The following COX7B2 variants were observed in gnomAD, a reference collection of about 807,000 sequenced individuals.
COX7B2 encodes cytochrome c oxidase subunit 7B2.
For synonymous variants in COX7B2, 37 were observed against 32.1 expected (o/e 1.15, Z -0.51); for missense variants, 109 against 95.9 (o/e 1.14, Z -0.57).
intron 1 of COX7B2, among the ~76,000 whole-genome samples, chr4:46,888,376 T>C (rs1719208515): frequency 6.6e-6 from 1 of 152,198 alleles, no homozygotes; most frequent in Non-Finnish European, 1.5e-5. Flanking sequence ...ATTTGTTTTA[T>C]AATCACAAAA....
At chr4:46,863,136 G>A (rs1288020887) in intron 1 of COX7B2, among the ~76,000 whole-genome samples, 5 of 152,022 alleles carry the variant, frequency 3.3e-5, no homozygotes, top group Non-Finnish European at 7.4e-5. Context: ...GCTATGTAAA[G>A]GTTAATTCAA....
chr4:46,854,767 T>G (rs1344531697), intron 1 of COX7B2, among the ~76,000 whole-genome samples: 1 of 152,174 alleles, frequency 6.6e-6, no homozygotes, highest in Non-Finnish European at 1.5e-5. Context: ...AAGTAATATA[T>G]TCTTAAAATG....
chr4:46,801,732 G>A (rs1285989434), intron 2 of COX7B2, among the ~76,000 whole-genome samples: 2 of 152,034 alleles, frequency 1.3e-5, no homozygotes, highest in African/African-American at 2.4e-5. Context: ...AAGTTGGAAG[G>A]GGAAATAAAT....
At chr4:46,844,677 C>T (rs950230764) in intron 2 of COX7B2, among the ~76,000 whole-genome samples, 1 of 151,838 alleles carries the variant, frequency 6.6e-6, no homozygotes, top group Non-Finnish European at 1.5e-5. Context: ...TCCAACTGTT[C>T]GTGTAGTTAA....
chr4:46,894,700 C>T (rs1176509633), intron 1 of COX7B2, among the ~76,000 whole-genome samples: 1 of 152,298 alleles, frequency 6.6e-6, no homozygotes, highest in Non-Finnish European at 1.5e-5. Context: ...AGTACACAGA[C>T]AACCTACAGA....
At chr4:46,835,103 G>T (rs111656378) in intron 2 of COX7B2, among the ~76,000 whole-genome samples, 2,884 of 152,090 alleles carry the variant, frequency 0.019, 45 homozygotes, top group Middle Eastern at 0.071. Flanking sequence ...CAAAAACCTG[G>T]TAATACTTAT....
intron 2 of COX7B2, among the ~76,000 whole-genome samples, chr4:46,769,701 T>C (rs1034722532): frequency 1.3e-5 from 2 of 151,960 alleles, no homozygotes; most frequent in African/African-American, 4.8e-5. Context: ...GGTGACAGAG[T>C]GAGACTCTGT....
intron 2 of COX7B2, among the ~76,000 whole-genome samples, chr4:46,807,960 G>A (rs1226991450): frequency 6.6e-6 from 1 of 151,752 alleles, no homozygotes; most frequent in Admixed American, 6.6e-5. Context: ...GAAATATGAT[G>A]CTACCAACTT....
intron 1 of COX7B2, among the ~76,000 whole-genome samples, chr4:46,894,235 A>T (rs1719614671): frequency 6.6e-6 from 1 of 152,132 alleles, no homozygotes; most frequent in Non-Finnish European, 1.5e-5. Context: ...AACAAAGCTG[A>T]AAATATTCAT....
intron 2 of COX7B2, among the ~76,000 whole-genome samples, chr4:46,738,746 T>C (rs1262005048): frequency 3.3e-5 from 5 of 152,120 alleles, no homozygotes; most frequent in Non-Finnish European, 7.4e-5. Flanking sequence ...AGGAAATGTT[T>C]CTGAAAGTAG....
chr4:46,738,986 A>T (rs1323748830), intron 2 of COX7B2, among the ~76,000 whole-genome samples: 1 of 152,088 alleles, frequency 6.6e-6, no homozygotes, highest in Non-Finnish European at 1.5e-5. Flanking sequence ...CTAATACTTG[A>T]TCTCAGTCTA....
intron 2 of COX7B2, among the ~76,000 whole-genome samples, chr4:46,787,316 G>A (rs1345273493): frequency 1.3e-5 from 2 of 152,006 alleles, no homozygotes; most frequent in Non-Finnish European, 2.9e-5. Flanking sequence ...GCGTGGTGGT[G>A]CATACCTGTA....
At chr4:46,875,474 T>C (rs1718263957) in intron 1 of COX7B2, among the ~76,000 whole-genome samples, 1 of 152,160 alleles carries the variant, frequency 6.6e-6, no homozygotes, top group Admixed American at 6.5e-5. Flanking sequence ...CAGCTAATTT[T>C]TACTGCCTAA....
intron 2 of COX7B2, among the ~76,000 whole-genome samples, chr4:46,831,097 C>T (rs1049453246): frequency 6.6e-6 from 1 of 152,118 alleles, no homozygotes; most frequent in Non-Finnish European, 1.5e-5. Flanking sequence ...GCTAGAGTTC[C>T]GGGTGGGCAT....
At chr4:46,864,371 A>G (rs1312984061) in intron 1 of COX7B2, among the ~76,000 whole-genome samples, 1 of 152,128 alleles carries the variant, frequency 6.6e-6, no homozygotes, top group Non-Finnish European at 1.5e-5. Context: ...ACTAAAGGGA[A>G]GTTAGCTTTA....
At chr4:46,849,508 T>A (rs1358210672) in intron 1 of COX7B2, among the ~76,000 whole-genome samples, 2 of 152,110 alleles carry the variant, frequency 1.3e-5, no homozygotes, top group Non-Finnish European at 2.9e-5. Flanking sequence ...ATATGCTCAA[T>A]AAGCATTGAC....
intron 1 of COX7B2, among the ~76,000 whole-genome samples, chr4:46,878,681 T>C (rs772247413): frequency 1.3e-5 from 2 of 152,180 alleles, no homozygotes; most frequent in Non-Finnish European, 2.9e-5. Flanking sequence ...TTTCCTATTA[T>C]CTTAACGCTC....
At chr4:46,883,411 C>T (rs1718873007) in intron 1 of COX7B2, among the ~76,000 whole-genome samples, 1 of 151,212 alleles carries the variant, frequency 6.6e-6, no homozygotes, top group African/African-American at 2.4e-5. Context: ...CTAGTATTTT[C>T]TGAAAAATTC....
chr4:46,870,843 C>A (rs1234600603), intron 1 of COX7B2, among the ~76,000 whole-genome samples: 1 of 151,948 alleles, frequency 6.6e-6, no homozygotes, highest in Non-Finnish European at 1.5e-5. Context: ...ATAGAAGACA[C>A]AGACAAACGG....
Sources: gnomAD v4.1 joint callset for allele counts (sites outside exome capture counted in the v4.1 genomes callset) on GRCh38, gnomAD v4.1.1 for gene constraint, MANE v1.5 for transcripts, NCBI Gene and HGNC (gene_info 2026-07-23, HGNC 2026-07-21) for gene names.